TOMM7: variants seen among roughly 807,000 people sequenced by gnomAD.
TOMM7 encodes the protein translocase of outer mitochondrial membrane 7.
Under a neutral mutation model 9.5 loss-of-function variants are expected in TOMM7, and 8 were observed. The observed-to-expected ratio is 0.84, with a 90% CI of 0.49 to 1.51. TOMM7 has a LOEUF of 1.51. Ranked by LOEUF, TOMM7 falls within the 40% of genes most tolerant of loss-of-function variation. The pLI is 0.00. For missense variants in TOMM7, 74 were observed against 63.7 expected, an observed-to-expected ratio of 1.16 and a Z score of -0.55; for synonymous variants, 27 against 21.4, an observed-to-expected ratio of 1.26 and a Z score of -0.72.
intron 1 of TOMM7, among the ~76,000 whole-genome samples, chr7:22,821,405 C>CAAAAAA (rs76073004): frequency 3.3e-5 from 4 of 123,002 alleles, no homozygotes; most frequent in South Asian, 2.8e-4. Context: ...GACCCCGTCT[C>CAAAAAA]AAAAAAAAAA....
intron 1 of TOMM7, chr7:22,822,407 C>G: frequency 1.1e-6 from 1 of 939,604 alleles, no homozygotes; most frequent in Non-Finnish European, 1.6e-6. Context: ...CCAACCCTCC[C>G]TACAATCCCG....
At chr7:22,818,931 T>TA in intron 1 of TOMM7, among the ~76,000 whole-genome samples, 1 of 126,126 alleles carries the variant, frequency 7.9e-6, no homozygotes, top group East Asian at 2.5e-4. Flanking sequence ...CTGAACTTTT[T>TA]AAAAAACACA....
rs78514355 is a variant in TOMM7 at position 22,821,823 on chromosome 7, G to T, written c.103+854C>A. On this transcript the variant is annotated intron_variant, in intron 1 of 2. Coordinates refer to ENST00000358435, the MANE Select transcript of TOMM7 (RefSeq NM_019059.5). The stretch of plus-strand genomic sequence containing the variant: ...TAGGTCCCAGTCTGCAACCCTAACT[G>T]AAAAATATTAACAAATCCTTGCAGT... Among the ~76,000 whole-genome samples the T allele has an allele frequency of 6.6e-3, 1,003 of 152,126 alleles. 9 individuals carry two copies. The highest frequency in any genetic ancestry group is 0.023 in the African/African-American group (942 of 41,494).
In TOMM7 at chr7:22,822,695, G is replaced by T; in HGVS notation, c.85C>A (p.Pro29Thr). The T allele has an allele frequency of 1.2e-6, 2 of 1,613,946 alleles. No homozygotes were observed. Among genetic ancestry groups the T allele is most frequent in the Non-Finnish European group, 1.7e-6 (2 of 1,179,834 alleles). The part of the protein sequence containing the change: ...SQFAIRWGFI[P>T]LVIYLGFKRG... ...CACTGACCCAGGTAAATCACAAGAGGGATAAAGCCCCAGCGAATGGCAAAC... is the reference window on the plus strand; with the variant it reads ...CACTGACCCAGGTAAATCACAAGAGTGATAAAGCCCCAGCGAATGGCAAAC... Residue 29 changes from proline to threonine, a missense_variant, in exon 1 of 3, where the codon CCT becomes ACT. Transcript: ENST00000358435.
chr7:22,819,157 A>G (rs1782354130), intron 1 of TOMM7, among the ~76,000 whole-genome samples: 1 of 152,170 alleles, frequency 6.6e-6, no homozygotes, highest in African/African-American at 2.4e-5. Context: ...GATGACATAT[A>G]TGTTCACTTG....
Position 22,813,030 on chromosome 7 carries a change from T to C in TOMM7, c.*140A>G. Reference sequence around the variant, plus strand: ...TATCATAAGTTAGTACAAGTTCCACTCTGCTACAGATGCGTCTGTGAAGAG... The same window carrying C: ...TATCATAAGTTAGTACAAGTTCCACCCTGCTACAGATGCGTCTGTGAAGAG... On this transcript the variant is annotated 3_prime_UTR_variant, in exon 3 of 3. Transcript: ENST00000358435. 1.2e-6 allele frequency: 1 copy of C among 800,868 alleles called. No individual in the cohort carries two copies. 49.6% of individuals were successfully genotyped at this position (800,868 alleles called of 1,614,324 possible).
At chr7:22,819,922 T>G (rs1436055208) in intron 1 of TOMM7, among the ~76,000 whole-genome samples, 1 of 152,204 alleles carries the variant, frequency 6.6e-6, no homozygotes, top group Non-Finnish European at 1.5e-5. Context: ...TGCCACTGCT[T>G]GTCATATTTT....
At chr7:22,822,548 G>T in intron 1 of TOMM7, 129 bp downstream of exon 1, 1 of 851,258 alleles carries the variant, frequency 1.2e-6, no homozygotes, top group Non-Finnish European at 1.9e-6. Context: ...CACTTGACCA[G>T]ACAGCCTCAG....
At position 22,813,071 on chromosome 7, in the gene TOMM7, C is replaced by T. The variant is rs749412166; in HGVS notation, c.*99G>A. ...CTGTGAAGAGCCTTGTGCCATCCAA[C>T]TAGTGACTGAATGATGTCCCATCTC... On this transcript the variant is annotated 3_prime_UTR_variant, in exon 3 of 3. Coordinates refer to ENST00000358435, the MANE Select transcript of TOMM7 (RefSeq NM_019059.5). 2.4e-6 allele frequency: 3 copies of T among 1,256,952 alleles called. No individual in the cohort carries two copies. The South Asian group carries it at 3.6e-5, about 15-fold the overall frequency. The allele number at this position is 1,256,952 out of a possible 1,614,324, so 77.9% of individuals were successfully genotyped here.
At position 22,818,020 on chromosome 7, in the gene TOMM7, C is replaced by T; in HGVS notation, c.132G>A (p.Met44Ile). 1 of 1,613,944 alleles carries T rather than the reference C, an allele frequency of 6.2e-7. No homozygotes were observed. Among genetic ancestry groups the T allele is most frequent in the Non-Finnish European group, 8.5e-7 (1 of 1,179,972 alleles). ...LGFKRGADPG[M>I]PEPTVLSLLW... ...AGTACCTCAAAACAGTTGGTTCAGG[C>T]ATTCCGGGATCTGCACCCCTCTTAA... The change falls in exon 2 of 3, where the codon ATG (methionine) becomes ATA (isoleucine). Residue 44 changes from methionine (M) to isoleucine (I), a missense_variant. By Grantham distance (10) the Met-to-Ile change is conservative. Coordinates refer to ENST00000358435, the MANE Select transcript of TOMM7 (RefSeq NM_019059.5).
intron 2 of TOMM7, among the ~76,000 whole-genome samples, chr7:22,816,988 G>C (rs923134684): frequency 3.3e-5 from 5 of 152,254 alleles, no homozygotes; most frequent in Non-Finnish European, 7.4e-5. Context: ...ACATGGCTTC[G>C]AGTAAAAGTT....
chr7:22,813,250 T>C, intron 2 of TOMM7, 65 bp from the exon 3 acceptor site: 1 of 1,450,096 alleles, frequency 6.9e-7, no homozygotes, highest in East Asian at 2.3e-5. Flanking sequence ...AGACATAACC[T>C]AAGACCTAGA....
At chr7:22,815,121 G>C (rs1782300372) in intron 2 of TOMM7, among the ~76,000 whole-genome samples, 1 of 152,116 alleles carries the variant, frequency 6.6e-6, no homozygotes. Context: ...CTTAATGACA[G>C]AAAAGATCAA....
chr7:22,822,359 G>A (rs4354222), intron 1 of TOMM7: 856,655 of 1,371,420 alleles, frequency 0.62, 270,508 homozygotes, highest in East Asian at 0.83. Context: ...CCTAGTGCTA[G>A]AGAGTGAATT....
chr7:22,813,041 T>C lies in TOMM7; in HGVS notation c.*129A>G. The C allele has an allele frequency of 1.3e-5, 11 of 866,808 alleles. No individual in the cohort carries two copies. In the South Asian group the frequency reaches 1.5e-4, roughly 12 times the overall value. The allele number at this position is 866,808 out of a possible 1,614,324, so 53.7% of individuals were successfully genotyped here. A position where few individuals can be genotyped will look rare whatever the true frequency, so the allele number is the denominator to read the frequency against. ...AGTACAAGTTCCACTCTGCTACAGATGCGTCTGTGAAGAGCCTTGTGCCAT... is the reference window on the plus strand; with the variant it reads ...AGTACAAGTTCCACTCTGCTACAGACGCGTCTGTGAAGAGCCTTGTGCCAT... On this transcript the variant is annotated 3_prime_UTR_variant, in exon 3 of 3. Coordinates refer to ENST00000358435, the MANE Select transcript of TOMM7 (RefSeq NM_019059.5).
chr7:22,821,124 A>T (rs1292884086), intron 1 of TOMM7, among the ~76,000 whole-genome samples: 1 of 152,182 alleles, frequency 6.6e-6, no homozygotes, highest in Admixed American at 6.5e-5. Context: ...TAAAAAGAAA[A>T]AACTTGGCCA....
rs1054471 is a variant in TOMM7, at chr7:22,813,024, T to G, written c.*146A>C. 1 of 762,848 alleles carries G rather than the reference T, an allele frequency of 1.3e-6. No homozygotes were observed. Among genetic ancestry groups the G allele is most frequent in the Non-Finnish European group, 2.3e-6 (1 of 432,502 alleles). 47.3% of individuals were successfully genotyped at this position (762,848 alleles called of 1,614,324 possible). The stretch of plus-strand genomic sequence containing the variant: ...ACATTCTATCATAAGTTAGTACAAG[T>G]TCCACTCTGCTACAGATGCGTCTGT... On this transcript the variant is annotated 3_prime_UTR_variant, in exon 3 of 3. Transcript: ENST00000358435.
intron 2 of TOMM7, 48 bp downstream of exon 2, chr7:22,817,952 C>T (rs1245445970): frequency 3.2e-6 from 5 of 1,539,880 alleles, no homozygotes; most frequent in Admixed American, 1.7e-5. Context: ...TGATTCAGTA[C>T]TACTGTATGA....
At chr7:22,814,345 G>A (rs1298243730) in intron 2 of TOMM7, among the ~76,000 whole-genome samples, 11 of 72,028 alleles carry the variant, frequency 1.5e-4, no homozygotes, top group Non-Finnish European at 2.0e-4. Flanking sequence ...GCAAGACTCC[G>A]ACTCAAAAAA....
Sources: gnomAD v4.1 joint callset for allele counts (sites outside exome capture counted in the v4.1 genomes callset) on GRCh38, gnomAD v4.1.1 for gene constraint, MANE v1.5 for transcripts, NCBI Gene and HGNC (gene_info 2026-07-23, HGNC 2026-07-21) for gene names.